PDE1A: variants seen among roughly 807,000 people sequenced by gnomAD.
The protein encoded by PDE1A is phosphodiesterase 1A, also known as dual specificity calcium/calmodulin-dependent 3',5'-cyclic nucleotide phosphodiesterase 1A.
A neutral mutation model predicts 61.7 loss-of-function variants in PDE1A; 35 were observed. The observed-to-expected ratio is 0.57, with a 90% CI of 0.43 to 0.75. The LOEUF (loss-of-function observed/expected upper bound fraction) is 0.75. PDE1A is among the 30% of genes least tolerant of loss of function. The pLI, the probability that PDE1A is intolerant of heterozygous loss-of-function variation, is 0.00. For synonymous variants in PDE1A, 232 were observed against 213.2 expected, an observed-to-expected ratio of 1.09 and a Z score of -0.77; for missense variants, 597 against 630.6, an observed-to-expected ratio of 0.95 and a Z score of 0.57.
At chr2:182,683,222 G>A in the PDE1A span, among the ~76,000 whole-genome samples, 1 of 151,580 alleles carries the variant, frequency 6.6e-6, no homozygotes, top group Admixed American at 6.6e-5. Flanking sequence ...CTCCTGAGTA[G>A]CTGGGATTAC....
chr2:182,482,074 C>T (rs1193164786), intron 2 of PDE1A, among the ~76,000 whole-genome samples: 2 of 151,902 alleles, frequency 1.3e-5, no homozygotes, highest in Non-Finnish European at 2.9e-5. Context: ...GTGAAATTTA[C>T]ACATTGTCAC....
intron 2 of PDE1A, 54 bp downstream of exon 2, chr2:182,264,247 A>G: frequency 1.6e-6 from 2 of 1,225,190 alleles, no homozygotes; most frequent in Non-Finnish European, 2.4e-6. Flanking sequence ...AAGAAAGAGG[A>G]AGAAAAACGG....
chr2:182,166,858 T>C (rs552955211), downstream of PDE1A, among the ~76,000 whole-genome samples: 2 of 152,292 alleles, frequency 1.3e-5, no homozygotes, highest in East Asian at 3.9e-4. Context: ...AGCTAATTAA[T>C]TATTGGAGTG....
At chr2:182,635,426 T>C in the PDE1A span, among the ~76,000 whole-genome samples, 4 of 152,108 alleles carry the variant, frequency 2.6e-5, no homozygotes, top group Admixed American at 6.6e-5. Flanking sequence ...TGGACCTTTT[T>C]TGTTTAATAT....
At chr2:182,379,950 A>G (rs569227174) in intron 1 of PDE1A, among the ~76,000 whole-genome samples, 191 of 152,250 alleles carry the variant, frequency 1.3e-3, no homozygotes, top group Non-Finnish European at 2.3e-3. Flanking sequence ...GGCATACAAA[A>G]TCTATCAAAA....
the PDE1A span, among the ~76,000 whole-genome samples, chr2:182,646,264 G>A: frequency 7.3e-5 from 11 of 150,698 alleles, no homozygotes; most frequent in Middle Eastern, 3.5e-3. Context: ...ACTGGCCAAC[G>A]TGGTGAAACC....
At chr2:182,652,166 C>G in the PDE1A span, among the ~76,000 whole-genome samples, 3 of 152,142 alleles carry the variant, frequency 2.0e-5, no homozygotes, top group Non-Finnish European at 4.4e-5. Context: ...GAAGCATTCT[C>G]CCAGTATTAT....
At chr2:182,298,625 G>A (rs1695042226) in intron 1 of PDE1A, among the ~76,000 whole-genome samples, 2 of 152,076 alleles carry the variant, frequency 1.3e-5, no homozygotes, top group African/African-American at 4.8e-5. Flanking sequence ...GACCTCACCT[G>A]AAGCAGATGG....
At chr2:182,147,310 T>C (rs1179829428) in intron 13 of PDE1A, among the ~76,000 whole-genome samples, 158 bp from the exon 14 acceptor site, 1 of 152,222 alleles carries the variant, frequency 6.6e-6, no homozygotes, top group Non-Finnish European at 1.5e-5. Flanking sequence ...CATCTTCCTT[T>C]CAGCCTGTGG....
chr2:182,613,113 G>A, the PDE1A span, among the ~76,000 whole-genome samples: 1 of 152,166 alleles, frequency 6.6e-6, no homozygotes, highest in Non-Finnish European at 1.5e-5. Context: ...ATAAAAGATT[G>A]AAGCATTTTT....
At chr2:182,446,591 AT>A (rs1382367761) in intron 2 of PDE1A, among the ~76,000 whole-genome samples, 1 of 152,170 alleles carries the variant, frequency 6.6e-6, no homozygotes, top group Admixed American at 6.6e-5. Context: ...ATGTATTCAG[AT>A]TGAAAATTTG....
chr2:182,426,685 G>A (rs1703643704), exon 1 of PDE1A: 3 of 1,611,866 alleles, frequency 1.9e-6, no homozygotes, highest in Non-Finnish European at 2.5e-6. Context: ...CTCCAGAGAG[G>A]AAATGTGGAA....
At chr2:182,144,372 T>C (rs1289884983), downstream of PDE1A, among the ~76,000 whole-genome samples, 1 of 152,228 alleles carries the variant, frequency 6.6e-6, no homozygotes, top group African/African-American at 2.4e-5. Context: ...TTCCATTTTA[T>C]TTCCTTTAAT....
At chr2:182,416,782 C>A (rs1231318437) in intron 1 of PDE1A, among the ~76,000 whole-genome samples, 2 of 152,148 alleles carry the variant, frequency 1.3e-5, no homozygotes, top group African/African-American at 4.8e-5. Context: ...AAGCATTATA[C>A]ATAAATAGAC....
chr2:182,312,885 T>C (rs1489362458), intron 1 of PDE1A, among the ~76,000 whole-genome samples: 3 of 151,968 alleles, frequency 2.0e-5, no homozygotes, highest in Admixed American at 6.6e-5. Flanking sequence ...ATTGAACCTA[T>C]AGAACAATTT....
At chr2:182,375,279 C>A (rs1700334112) in intron 1 of PDE1A, among the ~76,000 whole-genome samples, 2 of 152,204 alleles carry the variant, frequency 1.3e-5, no homozygotes, top group South Asian at 4.1e-4. Flanking sequence ...AAAGTCTTTT[C>A]TGAGACAAGC....
At chr2:182,607,051 G>GA in the PDE1A span, among the ~76,000 whole-genome samples, 37 of 150,558 alleles carry the variant, frequency 2.5e-4, no homozygotes, top group Non-Finnish European at 4.3e-4. Context: ...AACGTGGGGG[G>GA]AAAAAAAAAG....
intron 1 of PDE1A, among the ~76,000 whole-genome samples, chr2:182,370,381 G>T (rs1014069946): frequency 1.3e-5 from 2 of 152,170 alleles, no homozygotes; most frequent in Non-Finnish European, 2.9e-5. Flanking sequence ...GTTAGGTTGA[G>T]TGTTTGAGGA....
intron 1 of PDE1A, among the ~76,000 whole-genome samples, chr2:182,385,200 T>C (rs1700957814): frequency 6.6e-6 from 1 of 152,236 alleles, no homozygotes; most frequent in Non-Finnish European, 1.5e-5. Context: ...AGGATGCTAA[T>C]GTGTAACATG....
Sources: gnomAD v4.1 joint callset for allele counts (sites outside exome capture counted in the v4.1 genomes callset) on GRCh38, gnomAD v4.1.1 for gene constraint, MANE v1.5 for transcripts, NCBI Gene and HGNC (gene_info 2026-07-23, HGNC 2026-07-21) for gene names.